HSD17B12: variants seen among roughly 807,000 people sequenced by gnomAD.
HSD17B12 encodes the protein very-long-chain 3-oxoacyl-CoA reductase.
Under a neutral mutation model 39.3 loss-of-function variants are expected in HSD17B12, and 32 were observed. The observed-to-expected ratio is 0.81, with a 90% CI of 0.61 to 1.09. The LOEUF is 1.09. Among genes scored for constraint, HSD17B12 ranks in the 50% least tolerant of loss-of-function variants. The pLI is 0.00. For missense variants in HSD17B12, 342 were observed against 382.9 expected, an observed-to-expected ratio of 0.89 and a Z score of 0.89; for synonymous variants, 150 against 146.7, an observed-to-expected ratio of 1.02 and a Z score of -0.16.
the HSD17B12 span, among the ~76,000 whole-genome samples, chr11:43,577,261 A>T: frequency 2.4e-4 from 36 of 152,326 alleles, no homozygotes; most frequent in African/African-American, 8.2e-4. Context: ...CCCTGGATGC[A>T]GGAGAGGGAT....
chr11:43,575,832 C>T, the HSD17B12 span, among the ~76,000 whole-genome samples: 1 of 152,232 alleles, frequency 6.6e-6, no homozygotes, highest in East Asian at 1.9e-4. This position sits in a 1 kb window ranked among gnomAD's most constrained non-coding sequence, Gnocchi z 4.1. Flanking sequence ...TAGTGAATTA[C>T]TAGAACGCAA....
the HSD17B12 span, among the ~76,000 whole-genome samples, chr11:43,602,398 A>G: frequency 6.6e-6 from 1 of 152,222 alleles, no homozygotes; most frequent in African/African-American, 2.4e-5. Context: ...AATCTATTGT[A>G]CCAATAATGT....
At chr11:43,780,383 A>T (rs1384570092) in intron 3 of HSD17B12, among the ~76,000 whole-genome samples, 1 of 151,954 alleles carries the variant, frequency 6.6e-6, no homozygotes, top group African/African-American at 2.4e-5. Context: ...GACCAGGCTG[A>T]TCTCAAACTC....
intron 4 of HSD17B12, among the ~76,000 whole-genome samples, chr11:43,808,478 A>G (rs1473971320): frequency 1.3e-5 from 2 of 152,134 alleles, no homozygotes; most frequent in Non-Finnish European, 2.9e-5. Context: ...TTAAAGCAGA[A>G]CCTTTTACTT....
the HSD17B12 span, among the ~76,000 whole-genome samples, chr11:43,580,144 A>G: frequency 4.1e-5 from 6 of 146,778 alleles, no homozygotes; most frequent in Middle Eastern, 3.5e-3. Context: ...CAAAGTTTGG[A>G]TGGATGGGAT....
chr11:43,705,025 G>A (rs1018905103), intron 1 of HSD17B12, among the ~76,000 whole-genome samples: 2 of 152,196 alleles, frequency 1.3e-5, no homozygotes, highest in Non-Finnish European at 2.9e-5. Context: ...TACAGATTCA[G>A]TAGAAAAGGA....
At chr11:43,628,577 G>C in the HSD17B12 span, among the ~76,000 whole-genome samples, 1 of 151,900 alleles carries the variant, frequency 6.6e-6, no homozygotes. Flanking sequence ...TATAGCCATG[G>C]CTAAAGAAAT....
intron 3 of HSD17B12, among the ~76,000 whole-genome samples, chr11:43,774,299 T>G (rs1030214873): frequency 2.0e-5 from 3 of 152,050 alleles, no homozygotes; most frequent in African/African-American, 4.8e-5. Context: ...CTGCAACCTC[T>G]GCCTCCCAGG....
At chr11:43,721,605 C>T (rs903033479) in intron 1 of HSD17B12, among the ~76,000 whole-genome samples, 1 of 151,756 alleles carries the variant, frequency 6.6e-6, no homozygotes, top group African/African-American at 2.4e-5. Flanking sequence ...GGTGACAGAG[C>T]GAGACTCCAT....
intron 3 of HSD17B12, among the ~76,000 whole-genome samples, chr11:43,792,118 G>T (rs1390439118): frequency 1.3e-5 from 2 of 152,174 alleles, no homozygotes; most frequent in Non-Finnish European, 2.9e-5. Context: ...TTTGTTGGGG[G>T]ATGTCTCACC....
At chr11:43,825,752 G>A (rs1022552789) in intron 6 of HSD17B12, among the ~76,000 whole-genome samples, 1 of 152,174 alleles carries the variant, frequency 6.6e-6, no homozygotes, top group Non-Finnish European at 1.5e-5. Context: ...GCCTGCTTCA[G>A]GCATAACTAC....
At chr11:43,632,039 G>A in the HSD17B12 span, among the ~76,000 whole-genome samples, 1 of 152,094 alleles carries the variant, frequency 6.6e-6, no homozygotes, top group East Asian at 1.9e-4. Flanking sequence ...TAAATGGTCC[G>A]AAACATTTTT....
the HSD17B12 span, chr11:43,644,120 G>A: frequency 6.6e-6 from 1 of 152,270 alleles, no homozygotes; most frequent in South Asian, 2.1e-4. Flanking sequence ...GCCGTTGGGA[G>A]GGGAAAGGGT....
intron 3 of HSD17B12, among the ~76,000 whole-genome samples, chr11:43,796,658 A>C (rs1049060640): frequency 6.6e-6 from 1 of 152,248 alleles, no homozygotes; most frequent in Non-Finnish European, 1.5e-5. Context: ...GAGATGCAGA[A>C]GAGTGAATTT....
intron 4 of HSD17B12, among the ~76,000 whole-genome samples, chr11:43,808,293 T>A (rs1170414178): frequency 6.8e-6 from 1 of 148,014 alleles, no homozygotes; most frequent in Admixed American, 6.7e-5. Context: ...TGCATGGATT[T>A]TTTTTTTTTT....
At chr11:43,780,560 C>T (rs1052439566) in intron 3 of HSD17B12, among the ~76,000 whole-genome samples, 1 of 152,164 alleles carries the variant, frequency 6.6e-6, no homozygotes, top group African/African-American at 2.4e-5. Context: ...AATTAGGCTG[C>T]TCAGGATATC....
intron 1 of HSD17B12, among the ~76,000 whole-genome samples, chr11:43,744,434 G>A (rs1017696403): frequency 6.6e-6 from 1 of 152,128 alleles, no homozygotes; most frequent in Admixed American, 6.6e-5. Flanking sequence ...TGCGTTAGAA[G>A]ACAACGGAGA....
the HSD17B12 span, among the ~76,000 whole-genome samples, chr11:43,570,978 A>C: frequency 7.2e-5 from 11 of 152,228 alleles, no homozygotes; most frequent in Non-Finnish European, 1.0e-4. Flanking sequence ...CAGATATGTT[A>C]GTCCATTATT....
chr11:43,577,662 G>C, the HSD17B12 span, among the ~76,000 whole-genome samples: 1 of 152,054 alleles, frequency 6.6e-6, no homozygotes. Context: ...AAAGTAGTGT[G>C]GTGTGGCATT....
Sources: gnomAD v4.1 joint callset for allele counts (sites outside exome capture counted in the v4.1 genomes callset) on GRCh38, gnomAD v4.1.1 for gene constraint, Gnocchi (gnomAD v3.1) non-coding constraint, MANE v1.5 for transcripts, NCBI Gene and HGNC (gene_info 2026-07-23, HGNC 2026-07-21) for gene names.